Variants in PXDNL observed in about 807,000 individuals in gnomAD.
PXDNL encodes probable oxidoreductase PXDNL.
A neutral mutation model predicts 150.8 loss-of-function variants in PXDNL; 145 were observed. The observed-to-expected ratio is 0.96, with a 90% CI of 0.84 to 1.10. The LOEUF (loss-of-function observed/expected upper bound fraction) is 1.10. PXDNL is among the 50% of genes least tolerant of loss of function. PXDNL has a pLI of 0.00. For synonymous variants in PXDNL, 757 were observed against 725.7 expected (o/e 1.04, Z -0.69); for missense variants, 2,087 against 1,873.9 (o/e 1.11, Z -2.10).
At chr8:51,421,403 C>A (rs901712441) in intron 14 of PXDNL, among the ~76,000 whole-genome samples, 9 of 151,974 alleles carry the variant, frequency 5.9e-5, no homozygotes, top group African/African-American at 2.2e-4. Flanking sequence ...GATTTTGTAA[C>A]GTTAAGAAAC....
At chr8:51,744,450 G>A (rs1456437303) in intron 1 of PXDNL, among the ~76,000 whole-genome samples, 6 of 150,504 alleles carry the variant, frequency 4.0e-5, no homozygotes, top group Non-Finnish European at 8.9e-5. Context: ...GATAGATCAC[G>A]AGGTCAGGAG....
At chr8:51,498,591 C>T (rs10093816) in intron 5 of PXDNL, among the ~76,000 whole-genome samples, 4,061 of 152,188 alleles carry the variant, frequency 0.027, 181 homozygotes, top group African/African-American at 0.092. Context: ...TGAAATACAA[C>T]ATTCATCTGG....
chr8:51,637,627 G>A (rs1323199503), intron 2 of PXDNL, among the ~76,000 whole-genome samples: 1 of 152,154 alleles, frequency 6.6e-6, no homozygotes, highest in Non-Finnish European at 1.5e-5. Context: ...TGAATGAAAT[G>A]AAGTGAAAAG....
intron 4 of PXDNL, among the ~76,000 whole-genome samples, chr8:51,534,346 G>C (rs1481526673): frequency 1.4e-5 from 2 of 146,432 alleles, no homozygotes; most frequent in African/African-American, 2.7e-5. Flanking sequence ...CCGTCCGGGA[G>C]GGAGGTGGGG....
chr8:51,629,124 C>A (rs1313706003), intron 2 of PXDNL, among the ~76,000 whole-genome samples: 1 of 151,514 alleles, frequency 6.6e-6, no homozygotes, highest in Non-Finnish European at 1.5e-5. Context: ...CCAAAAGAAA[C>A]CACGGCAAAG....
At chr8:51,790,175 C>CA (rs2037497201) in intron 1 of PXDNL, among the ~76,000 whole-genome samples, 1 of 109,082 alleles carries the variant, frequency 9.2e-6, no homozygotes, top group South Asian at 2.8e-4. Flanking sequence ...GGGAACAAGT[C>CA]AATTTTTTTC....
chr8:51,558,003 C>T (rs556140361), intron 3 of PXDNL, among the ~76,000 whole-genome samples: 1 of 152,172 alleles, frequency 6.6e-6, no homozygotes, highest in East Asian at 1.9e-4. Flanking sequence ...GAAGATTTTG[C>T]TTTTACTCCA....
At chr8:51,800,383 C>T (rs893809435) in intron 1 of PXDNL, among the ~76,000 whole-genome samples, 19 of 152,170 alleles carry the variant, frequency 1.2e-4, no homozygotes, top group African/African-American at 4.3e-4. Context: ...AACGCTAATT[C>T]CACGTGGTAT....
intron 1 of PXDNL, among the ~76,000 whole-genome samples, chr8:51,787,970 C>G (rs1270634720): frequency 6.6e-6 from 1 of 152,186 alleles, no homozygotes; most frequent in African/African-American, 2.4e-5. Context: ...AGACCCTCCA[C>G]CAGAAAAAAA....
chr8:51,647,018 C>T (rs10105608), intron 2 of PXDNL, among the ~76,000 whole-genome samples: 6 of 152,056 alleles, frequency 3.9e-5, no homozygotes, highest in South Asian at 4.2e-4. Flanking sequence ...AAGGATACAA[C>T]GTACTTTTAA....
chr8:51,416,173 C>A (rs567707399), intron 14 of PXDNL, among the ~76,000 whole-genome samples: 1 of 152,292 alleles, frequency 6.6e-6, no homozygotes, highest in East Asian at 1.9e-4. Flanking sequence ...CATTGGGCTA[C>A]TGCATCTGGG....
At chr8:51,789,253 T>C (rs1347219309) in intron 1 of PXDNL, among the ~76,000 whole-genome samples, 2 of 152,128 alleles carry the variant, frequency 1.3e-5, no homozygotes, top group Admixed American at 6.5e-5. Flanking sequence ...CAATCCAAGT[T>C]GGAGATTTAT....
intron 1 of PXDNL, among the ~76,000 whole-genome samples, chr8:51,750,240 CATT>C (rs1197853956): frequency 6.6e-6 from 1 of 152,020 alleles, no homozygotes; most frequent in Admixed American, 6.6e-5. Flanking sequence ...CAGACACACA[CATT>C]ATCCCAGGCC....
chr8:51,718,687 A>G (rs1816664758), intron 1 of PXDNL, among the ~76,000 whole-genome samples: 1 of 152,138 alleles, frequency 6.6e-6, no homozygotes, highest in African/African-American at 2.4e-5. Context: ...ATAAAACTCA[A>G]AGATGGACAC....
intron 1 of PXDNL, among the ~76,000 whole-genome samples, chr8:51,744,164 G>A (rs1304328619): frequency 7.0e-6 from 1 of 143,434 alleles, no homozygotes; most frequent in African/African-American, 2.6e-5. Flanking sequence ...AGGAAGGAAG[G>A]AAAGAAGGAA....
At chr8:51,560,847 C>G (rs1022342833) in intron 3 of PXDNL, among the ~76,000 whole-genome samples, 3 of 151,718 alleles carry the variant, frequency 2.0e-5, no homozygotes, top group African/African-American at 7.3e-5. Flanking sequence ...AAAAGGCAAC[C>G]TGCAGAATGG....
chr8:51,537,646 G>A (rs1812111436), intron 4 of PXDNL, among the ~76,000 whole-genome samples: 1 of 152,054 alleles, frequency 6.6e-6, no homozygotes, highest in South Asian at 2.1e-4. Context: ...CCTTTTCCTT[G>A]GAAACCTTGA....
At chr8:51,676,246 T>C (rs774843291) in intron 1 of PXDNL, among the ~76,000 whole-genome samples, 3 of 152,218 alleles carry the variant, frequency 2.0e-5, no homozygotes, top group Middle Eastern at 6.8e-3. Context: ...CTCTGATGAG[T>C]GTCCATTTTC....
chr8:51,717,868 C>G (rs1816647357), intron 1 of PXDNL, among the ~76,000 whole-genome samples: 1 of 152,210 alleles, frequency 6.6e-6, no homozygotes, highest in African/African-American at 2.4e-5. Flanking sequence ...GGCAAGCCAC[C>G]ACCAGAGTCA....
Sources: gnomAD v4.1 joint callset for allele counts (sites outside exome capture counted in the v4.1 genomes callset) on GRCh38, gnomAD v4.1.1 for gene constraint, MANE v1.5 for transcripts, NCBI Gene and HGNC (gene_info 2026-07-23, HGNC 2026-07-21) for gene names.